Variants in FHIT observed in about 807,000 individuals in gnomAD.
The protein encoded by FHIT is bis(5'-adenosyl)-triphosphatase.
A neutral mutation model predicts 17.9 loss-of-function variants in FHIT; 19 were observed. The ratio of observed to expected loss-of-function variants is 1.06; its 90% CI spans 0.74 to 1.56. The LOEUF (loss-of-function observed/expected upper bound fraction) is 1.56. FHIT is among the 40% of genes most tolerant of loss of function. The pLI is 0.00. For missense variants in FHIT, 248 were observed against 189.2 expected (o/e 1.31, Z -1.82); for synonymous variants, 81 against 69.7 (o/e 1.16, Z -0.81).
intron 8 of FHIT, among the ~76,000 whole-genome samples, chr3:59,915,539 A>G (rs1475367423): frequency 2.6e-5 from 4 of 152,108 alleles, no homozygotes; most frequent in Admixed American, 2.0e-4. Context: ...TTCTTTCATT[A>G]CTTTTCCTCT....
rs553499982 is a variant in FHIT at position 60,036,363 on chromosome 3, C to T, written c.104-22211G>A. On this transcript the variant is annotated intron_variant, in intron 5 of 9. Coordinates refer to ENST00000492590, the MANE Select transcript of FHIT (RefSeq NM_002012.4). ...GAGCATGTTATTTTACCTCATAAGA[C>T]TCTCATGACTCTCTGAGAACCGTGT... Among the ~76,000 whole-genome samples, 33 of 152,192 alleles carry T rather than the reference C, an allele frequency of 2.2e-4. 1 individual carries two copies. In the South Asian group the frequency reaches 4.6e-3, roughly 21 times the overall value.
At chr3:60,424,085 C>T (rs1702574028) in intron 5 of FHIT, among the ~76,000 whole-genome samples, 1 of 152,096 alleles carries the variant, frequency 6.6e-6, no homozygotes, top group East Asian at 1.9e-4. Context: ...ACTTTGAAAA[C>T]ATTAACTCCT....
At position 59,940,382 on chromosome 3, in the gene FHIT, T is replaced by G. The variant is rs574786160; in HGVS notation, c.280-17968A>C. On this transcript the variant is annotated intron_variant, in intron 7 of 9. Coordinates refer to ENST00000492590, the MANE Select transcript of FHIT (RefSeq NM_002012.4). ...TCTCTTAAGGACTTTACCATTGTTT[T>G]AAAAATTACTCTACTGAAGTCTAAT... 8.3e-4 allele frequency among the ~76,000 whole-genome samples: 127 copies of G among 152,300 alleles called. 1 individual carries two copies. The highest frequency in any genetic ancestry group is 3.0e-3 in the African/African-American group (125 of 41,566).
At chr3:61,230,555 A>G (rs1211113816) in intron 1 of FHIT, among the ~76,000 whole-genome samples, 1 of 152,070 alleles carries the variant, frequency 6.6e-6, no homozygotes, top group Non-Finnish European at 1.5e-5. Context: ...TCTTTATAGC[A>G]ATGCAAGAAT....
intron 8 of FHIT, among the ~76,000 whole-genome samples, chr3:59,849,239 G>A (rs553381419): frequency 6.6e-6 from 1 of 152,040 alleles, no homozygotes; most frequent in Admixed American, 6.6e-5. Flanking sequence ...CAGGTGTTGT[G>A]GTGCACGTCT....
rs183146974 is a variant in FHIT at position 60,212,639 on chromosome 3, G to A, written c.104-198487C>T. ...ACTAAAATAACAATCTAATGAATTAGTAAGATAAGAAAAAATCTATGGGGA... is the reference window on the plus strand; with the variant it reads ...ACTAAAATAACAATCTAATGAATTAATAAGATAAGAAAAAATCTATGGGGA... On this transcript the variant is annotated intron_variant, in intron 5 of 9. Coordinates refer to ENST00000492590, the MANE Select transcript of FHIT (RefSeq NM_002012.4). Among the ~76,000 whole-genome samples the A allele has an allele frequency of 4.6e-5, 7 of 152,146 alleles. No homozygotes were observed. The East Asian group carries it at 1.4e-3, about 29-fold the overall frequency.
At chr3:60,183,264 G>A (rs574152145) in intron 5 of FHIT, among the ~76,000 whole-genome samples, 5 of 151,878 alleles carry the variant, frequency 3.3e-5, no homozygotes, top group African/African-American at 1.2e-4. Context: ...TAGGTGTGGT[G>A]GTGCATGCCT....
chr3:59,942,491 C>T (rs56286956), intron 7 of FHIT, among the ~76,000 whole-genome samples: 5,610 of 152,174 alleles, frequency 0.037, 168 homozygotes, highest in East Asian at 0.075. Flanking sequence ...GGCATATTTA[C>T]GAGACAGAAC....
chr3:59,965,988 T>G (rs1232492774), intron 7 of FHIT, among the ~76,000 whole-genome samples: 4 of 152,136 alleles, frequency 2.6e-5, no homozygotes, highest in African/African-American at 9.7e-5. Context: ...ACTGGATGAA[T>G]AGAAATAACT....
rs9874945 is a variant in FHIT at position 60,204,569 on chromosome 3, G to A, written c.104-190417C>T. 4.0e-3 allele frequency among the ~76,000 whole-genome samples: 610 copies of A among 151,950 alleles called. 2 individuals are homozygous for A. Among genetic ancestry groups the A allele is most frequent in the Middle Eastern group, 0.017 (5 of 294 alleles). Reference sequence around the variant, plus strand: ...GCCTCCCAAAGTGCTGGGATTACAGGGGTGAGCCACCCTTCCCAGCCTGAA... The same window carrying A: ...GCCTCCCAAAGTGCTGGGATTACAGAGGTGAGCCACCCTTCCCAGCCTGAA... On this transcript the variant is annotated intron_variant, in intron 5 of 9. Transcript: ENST00000492590.
chr3:60,701,428 C>T (rs189881720), intron 4 of FHIT, among the ~76,000 whole-genome samples: 1 of 152,070 alleles, frequency 6.6e-6, no homozygotes, highest in Admixed American at 6.6e-5. Context: ...AGTCTCCCCC[C>T]CAAACTCAGG....
chr3:60,875,670 G>A lies in FHIT; in HGVS notation c.-110-53659C>T, dbSNP rs117259363. On this transcript the variant is annotated intron_variant, in intron 3 of 9. Coordinates refer to ENST00000492590, the MANE Select transcript of FHIT (RefSeq NM_002012.4). ...TAAAATGATAATTTTTGAGCTCTTA[G>A]TAGATGCCAGGCATAGTCCTAAGCA... Among the ~76,000 whole-genome samples the A allele has an allele frequency of 3.3e-5, 5 of 150,978 alleles. No individual in the cohort carries two copies. In the East Asian group the frequency reaches 9.8e-4, roughly 30 times the overall value.
intron 8 of FHIT, among the ~76,000 whole-genome samples, chr3:59,843,981 C>A (rs1553693381): frequency 1.3e-5 from 2 of 152,054 alleles, no homozygotes; most frequent in Non-Finnish European, 2.9e-5. Context: ...CTCATGAGAT[C>A]TGTTTGTTTA....
At chr3:60,648,172 A>G (rs2039906129) in intron 4 of FHIT, among the ~76,000 whole-genome samples, 1 of 152,196 alleles carries the variant, frequency 6.6e-6, no homozygotes, top group Non-Finnish European at 1.5e-5. Context: ...GTTGACGTCC[A>G]CCTAGGTATC....
intron 5 of FHIT, among the ~76,000 whole-genome samples, chr3:60,217,764 G>A (rs913377932): frequency 3.3e-5 from 5 of 152,060 alleles, no homozygotes; most frequent in Non-Finnish European, 7.4e-5. Flanking sequence ...GTCTGCTTTA[G>A]CACTTTTCTC....
intron 5 of FHIT, among the ~76,000 whole-genome samples, chr3:60,474,909 C>T (rs1291859735): frequency 1.3e-5 from 2 of 152,114 alleles, no homozygotes; most frequent in African/African-American, 4.8e-5. Context: ...AGGCGTGAGC[C>T]ACCGCACCTG....
At chr3:60,404,987 T>C (rs1368244390) in intron 5 of FHIT, among the ~76,000 whole-genome samples, 1 of 152,194 alleles carries the variant, frequency 6.6e-6, no homozygotes, top group Non-Finnish European at 1.5e-5. Flanking sequence ...TTGTTTTTCT[T>C]CTCAAATGAG....
intron 5 of FHIT, among the ~76,000 whole-genome samples, chr3:60,352,185 A>G (rs116363542): frequency 2.0e-5 from 3 of 152,214 alleles, no homozygotes; most frequent in Non-Finnish European, 2.9e-5. Context: ...TAGAGGCTGC[A>G]TAAGAGCCAA....
chr3:59,900,256 G>T (rs961074375), intron 8 of FHIT, among the ~76,000 whole-genome samples: 23 of 152,216 alleles, frequency 1.5e-4, no homozygotes, highest in Non-Finnish European at 7.3e-5. Context: ...CAGGGCATGA[G>T]GAGAGTGAGC....
Sources: allele counts gnomAD v4.1 joint callset (sites outside exome capture counted in the v4.1 genomes callset), GRCh38; gene constraint gnomAD v4.1.1; transcripts MANE v1.5; gene names NCBI Gene and HGNC (gene_info 2026-07-23, HGNC 2026-07-21).